Variants in MACROD2 observed in about 807,000 individuals in gnomAD.
The protein encoded by MACROD2 is mono-ADP ribosylhydrolase 2.
Under a neutral mutation model 70.4 loss-of-function variants are expected in MACROD2, and 36 were observed. That is an observed-to-expected ratio of 0.51 (90% CI 0.39 to 0.68). The LOEUF (loss-of-function observed/expected upper bound fraction) is 0.68. Among genes scored for constraint, MACROD2 ranks in the 30% least tolerant of loss-of-function variants. The pLI is 0.00. For missense variants in MACROD2, 496 were observed against 538.4 expected, an observed-to-expected ratio of 0.92 and a Z score of 0.78; for synonymous variants, 172 against 178.8, an observed-to-expected ratio of 0.96 and a Z score of 0.30.
intron 2 of MACROD2, chr20:14,051,760 G>T: frequency 4.5e-6 from 2 of 442,488 alleles, no homozygotes; most frequent in Non-Finnish European, 9.0e-6. Context: ...ATTAGGAATT[G>T]ATTAGTATCA....
intron 8 of MACROD2, among the ~76,000 whole-genome samples, chr20:15,782,717 C>CAAAAAAAAGAAAAAAAAAAAAAA (rs2051854445): frequency 1.2e-5 from 1 of 83,358 alleles, no homozygotes; most frequent in Non-Finnish European, 2.4e-5. Context: ...AGAGAAATGG[C>CAAAAAAAAGAAAAAAAAAAAAAA]AAAAAAAAAA....
chr20:14,105,723 C>A (rs980898489), intron 3 of MACROD2, among the ~76,000 whole-genome samples: 2 of 152,128 alleles, frequency 1.3e-5, no homozygotes. Context: ...GTGCAGTTTG[C>A]AGCAACAAAA....
chr20:14,874,067 C>T (rs951595047), intron 5 of MACROD2, among the ~76,000 whole-genome samples: 4 of 152,098 alleles, frequency 2.6e-5, no homozygotes, highest in East Asian at 1.9e-4. Context: ...AATAATATTG[C>T]TTTAAGCTTG....
chr20:15,901,022 C>T (rs2065055663), intron 10 of MACROD2, among the ~76,000 whole-genome samples: 1 of 152,162 alleles, frequency 6.6e-6, no homozygotes, highest in East Asian at 1.9e-4. Context: ...CCAAAGACTC[C>T]CCTACCTTGC....
intron 5 of MACROD2, among the ~76,000 whole-genome samples, chr20:15,115,041 C>G (rs940722447): frequency 3.3e-5 from 5 of 152,186 alleles, no homozygotes; most frequent in Non-Finnish European, 7.3e-5. Context: ...TTGCCAATTC[C>G]TATTCCCTAA....
chr20:14,189,079 G>A (rs924752388), intron 3 of MACROD2, among the ~76,000 whole-genome samples: 2 of 152,026 alleles, frequency 1.3e-5, no homozygotes, highest in African/African-American at 4.8e-5. Context: ...ATGCTTACAT[G>A]TGCTGCTTCA....
chr20:15,451,687 A>C (rs958054138), intron 7 of MACROD2, among the ~76,000 whole-genome samples: 1 of 152,146 alleles, frequency 6.6e-6, no homozygotes, highest in Non-Finnish European at 1.5e-5. Context: ...ACACAGCAGG[A>C]AAGAAAAATG....
At chr20:15,457,919 TA>T (rs1356963873) in intron 7 of MACROD2, among the ~76,000 whole-genome samples, 2 of 137,404 alleles carry the variant, frequency 1.5e-5, no homozygotes, top group Admixed American at 1.5e-4. Context: ...TAATATAACC[TA>T]ACAGGGTTGT....
chr20:15,809,906 C>G lies in MACROD2; in HGVS notation c.646-52839C>G, dbSNP rs562851374. Among the ~76,000 whole-genome samples the G allele has an allele frequency of 4.7e-3, 703 of 148,550 alleles. 11 individuals are homozygous for G. The highest frequency in any genetic ancestry group is 0.017 in the African/African-American group (659 of 39,864). On this transcript the variant is annotated intron_variant, in intron 8 of 17. Coordinates refer to ENST00000684519, the MANE Select transcript of MACROD2 (RefSeq NM_001351661.2). ...TACTTTAAGTTTTAGGGTACATGTG[C>G]ACAACGTGCAGGTTTGTTACATATG...
intron 3 of MACROD2, among the ~76,000 whole-genome samples, chr20:14,180,234 G>A (rs980432018): frequency 5.3e-5 from 8 of 152,090 alleles, no homozygotes; most frequent in African/African-American, 1.4e-4. Flanking sequence ...AGGATGGAGA[G>A]TTTGTTGCTT....
intron 3 of MACROD2, among the ~76,000 whole-genome samples, chr20:14,226,783 C>A (rs2081740098): frequency 6.6e-6 from 1 of 152,260 alleles, no homozygotes; most frequent in Non-Finnish European, 1.5e-5. Context: ...CATGCCTGAG[C>A]CTCCCACCCA....
chr20:15,871,677 T>A lies in MACROD2; in HGVS notation c.727+8851T>A, dbSNP rs145753434. ...GGCACTTTCAGTGATCTTTAAAGAA[T>A]GAACAAGGGTAGAGAAGTTCACGTC... On this transcript the variant is annotated intron_variant, in intron 9 of 17. Coordinates refer to ENST00000684519, the MANE Select transcript of MACROD2 (RefSeq NM_001351661.2). 3.4e-3 allele frequency among the ~76,000 whole-genome samples: 511 copies of A among 152,276 alleles called. 4 individuals are homozygous for A. Among genetic ancestry groups the A allele is most frequent in the African/African-American group, 0.011 (477 of 41,560 alleles).
chr20:15,647,082 C>A (rs1312240078), intron 8 of MACROD2, among the ~76,000 whole-genome samples: 1 of 152,156 alleles, frequency 6.6e-6, no homozygotes, highest in Non-Finnish European at 1.5e-5. Flanking sequence ...CATAAAAGTT[C>A]TAAATGAATG....
intron 6 of MACROD2, among the ~76,000 whole-genome samples, chr20:15,254,984 C>A: frequency 8.1e-6 from 1 of 123,014 alleles, no homozygotes; most frequent in African/African-American, 3.2e-5. Context: ...TGAGTGAACA[C>A]AATATAGTGG....
At chr20:15,139,807 C>T (rs1030271578) in intron 5 of MACROD2, among the ~76,000 whole-genome samples, 1 of 152,158 alleles carries the variant, frequency 6.6e-6, no homozygotes, top group Non-Finnish European at 1.5e-5. Flanking sequence ...TGAGGAGGCT[C>T]ACGACACCAC....
intron 1 of MACROD2, among the ~76,000 whole-genome samples, chr20:13,997,128 G>C (rs917967759): frequency 1.3e-5 from 2 of 151,944 alleles, no homozygotes; most frequent in Non-Finnish European, 2.9e-5. Flanking sequence ...TAATAGAACC[G>C]AACAACACAA....
At chr20:14,752,893 G>A (rs2071892628) in intron 5 of MACROD2, among the ~76,000 whole-genome samples, 1 of 152,104 alleles carries the variant, frequency 6.6e-6, no homozygotes, top group African/African-American at 2.4e-5. Context: ...GTATGATTGA[G>A]TTTGCCTCTC....
chr20:15,048,127 T>TAAATAAA (rs1568548423), intron 5 of MACROD2, among the ~76,000 whole-genome samples: 1 of 117,804 alleles, frequency 8.5e-6, no homozygotes, highest in Non-Finnish European at 2.0e-5. Flanking sequence ...TAATAAAAAA[T>TAAATAAA]TAGCCAGGTG....
intron 2 of MACROD2, among the ~76,000 whole-genome samples, chr20:14,045,689 C>A (rs2053462751): frequency 6.6e-6 from 1 of 152,016 alleles, no homozygotes. Flanking sequence ...CAGAATTAGA[C>A]CCCTGTGAAT....
Sources: gnomAD v4.1 joint callset for allele counts (sites outside exome capture counted in the v4.1 genomes callset) on GRCh38, gnomAD v4.1.1 for gene constraint, MANE v1.5 for transcripts, NCBI Gene and HGNC (gene_info 2026-07-23, HGNC 2026-07-21) for gene names.